LRRC8C: variants seen among roughly 807,000 people sequenced by gnomAD.
LRRC8C encodes volume-regulated anion channel subunit LRRC8C.
A neutral mutation model predicts 55.3 loss-of-function variants in LRRC8C; 20 were observed. That is an observed-to-expected ratio of 0.36 (90% CI 0.25 to 0.53). The LOEUF (loss-of-function observed/expected upper bound fraction) is 0.53, where lower values mean the gene tolerates loss of function less well. LRRC8C is among the 20% of genes least tolerant of loss of function. The pLI is 0.92. For missense variants in LRRC8C, 659 were observed against 951.4 expected, an observed-to-expected ratio of 0.69 and a Z score of 4.04; for synonymous variants, 376 against 360.7, an observed-to-expected ratio of 1.04 and a Z score of -0.48.
Position 89,689,038 on chromosome 1 carries a change from G to A in LRRC8C, c.138+2427G>A, listed in dbSNP as rs541814348. 3.3e-5 allele frequency among the ~76,000 whole-genome samples: 5 copies of A among 152,126 alleles called. No individual in the cohort carries two copies. The South Asian group carries it at 1.0e-3, about 31-fold the overall frequency. The stretch of plus-strand genomic sequence containing the variant: ...GATTTGGGGAGGAGAGGCTCAGGAG[G>A]ACAGCAGTGTGGACGGCTACATGGA... On this transcript the variant is annotated intron_variant, in intron 2 of 2. Coordinates refer to ENST00000370454, the MANE Select transcript of LRRC8C (RefSeq NM_032270.5).
the LRRC8C span, among the ~76,000 whole-genome samples, chr1:89,621,261 T>G: frequency 7.0e-6 from 1 of 143,538 alleles, no homozygotes; most frequent in Non-Finnish European, 1.5e-5. Flanking sequence ...GAGATCGAGA[T>G]CATCCTGGCT....
chr1:89,647,783 G>A (rs1023344190), intron 1 of LRRC8C, among the ~76,000 whole-genome samples: 78 of 152,166 alleles, frequency 5.1e-4, no homozygotes, highest in Non-Finnish European at 7.4e-5. Flanking sequence ...ACAATGGTGT[G>A]TGACAATTTT....
At chr1:89,683,007 C>A (rs528801084) in intron 1 of LRRC8C, among the ~76,000 whole-genome samples, 2 of 152,246 alleles carry the variant, frequency 1.3e-5, no homozygotes, top group South Asian at 4.1e-4. Flanking sequence ...TCAGGGAGAA[C>A]AACTAAAGTA....
chr1:89,712,874 G>T lies in LRRC8C; in HGVS notation c.304G>T (p.Asp102Tyr), dbSNP rs1268112390. The change falls in exon 3 of 3, where the codon GAT becomes TAT. Residue 102 changes from aspartate to tyrosine, a missense_variant. Physicochemically the swap from Asp to Tyr is radical, Grantham distance 160 (BLOSUM62 -3). Coordinates refer to ENST00000370454, the MANE Select transcript of LRRC8C (RefSeq NM_032270.5). ...TGTGGAAATGAAAGGCCTGAAGACA[G>T]ATTTGGACCTTCAGCAGTACAGCTT... is the stretch of plus-strand genomic sequence containing the variant. The part of the protein sequence containing the change: ...ITVEMKGLKT[D>Y]LDLQQYSFIN... 2 of 1,614,052 alleles carry T rather than the reference G, an allele frequency of 1.2e-6. No individual in the cohort carries two copies. The highest frequency in any genetic ancestry group is 1.7e-6 in the Non-Finnish European group (2 of 1,180,032).
At chr1:89,676,135 T>C (rs1049686537) in intron 1 of LRRC8C, 1 of 152,238 alleles carries the variant, frequency 6.6e-6, no homozygotes, top group Non-Finnish European at 1.5e-5. Context: ...TCTTTTAAGA[T>C]CTCAGTGAGA....
chr1:89,701,756 A>C (rs968804709), intron 2 of LRRC8C, among the ~76,000 whole-genome samples: 2 of 152,206 alleles, frequency 1.3e-5, no homozygotes, highest in Non-Finnish European at 2.9e-5. Flanking sequence ...TCCTGTGTTC[A>C]ATGTGTATAG....
rs1405378314 is a variant in LRRC8C, at chr1:89,716,627, A to G, written c.*1645A>G. On this transcript the variant is annotated 3_prime_UTR_variant, in exon 3 of 3. Coordinates refer to ENST00000370454, the MANE Select transcript of LRRC8C (RefSeq NM_032270.5). ...ACACTATTTGTGCCCTTGACCTAGA[A>G]CCAGAACCACTAATTATGAGAACTT... is the stretch of plus-strand genomic sequence containing the variant. 6.6e-6 allele frequency: 1 copy of G among 152,210 alleles called. No homozygotes were observed. The highest frequency in any genetic ancestry group is 1.5e-5 in the Non-Finnish European group (1 of 68,038). The allele number at this position is 152,210 out of a possible 1,614,324, so 9.4% of individuals were successfully genotyped here.
intron 2 of LRRC8C, among the ~76,000 whole-genome samples, chr1:89,699,130 T>G (rs532761056): frequency 1.3e-5 from 2 of 152,170 alleles, no homozygotes; most frequent in Admixed American, 1.3e-4. Context: ...GAAGCTAATC[T>G]TAAAAGGATA....
intron 1 of LRRC8C, among the ~76,000 whole-genome samples, chr1:89,656,261 C>G (rs1034728105): frequency 6.6e-6 from 1 of 152,216 alleles, no homozygotes; most frequent in African/African-American, 2.4e-5. Flanking sequence ...ATAAAGGCAG[C>G]TGTGTTTCTG....
chr1:89,639,107 T>C lies in LRRC8C; in HGVS notation c.-5+5785T>C, dbSNP rs557229163. ...TCCAGGCGATTCTCCTGCCTCAGCC[T>C]CTGGAGTAGCTGGGACTACAGGCAC... On this transcript the variant is annotated intron_variant, in intron 1 of 2. Coordinates refer to ENST00000370454, the MANE Select transcript of LRRC8C (RefSeq NM_032270.5). 2.6e-5 allele frequency among the ~76,000 whole-genome samples: 4 copies of C among 152,020 alleles called. No homozygotes were observed. The South Asian group carries it at 6.2e-4, about 24-fold the overall frequency.
At chr1:89,684,136 A>C (rs1657803971) in intron 1 of LRRC8C, among the ~76,000 whole-genome samples, 1 of 152,162 alleles carries the variant, frequency 6.6e-6, no homozygotes, top group African/African-American at 2.4e-5. Context: ...ATATGTATAG[A>C]TGTAACCCAT....
At chr1:89,678,188 T>C (rs1557658235) in intron 1 of LRRC8C, among the ~76,000 whole-genome samples, 2 of 152,252 alleles carry the variant, frequency 1.3e-5, no homozygotes, top group African/African-American at 4.8e-5. Context: ...TGCTTTTAGC[T>C]TCAGTAATAA....
Position 89,659,061 on chromosome 1 carries a change from T to TTTTGTG in LRRC8C, c.-5+25740_-5+25741insTTGTGT, listed in dbSNP as rs1294718324. ...TGTCTTCTCCAGGTTTTTTTTTTTT[T>TTTTGTG]TGTGTGTGTGTGTGTGTGTGTGTGT... On this transcript the variant is annotated intron_variant, in intron 1 of 2. Coordinates refer to ENST00000370454, the MANE Select transcript of LRRC8C (RefSeq NM_032270.5). Among the ~76,000 whole-genome samples the TTTTGTG allele has an allele frequency of 9.3e-4, 50 of 53,962 alleles. 2 individuals are homozygous for TTTTGTG. The highest frequency in any genetic ancestry group is 3.8e-3 in the Admixed American group (19 of 4,960). 35.4% of individuals were successfully genotyped at this position (53,962 alleles called of 152,430 possible). A position where few individuals can be genotyped will look rare whatever the true frequency, so the allele number is the denominator to read the frequency against.
In LRRC8C at chr1:89,671,288, G is replaced by A. The variant is rs946228561; in HGVS notation, c.-4-15182G>A. Among the ~76,000 whole-genome samples the A allele has an allele frequency of 1.5e-4, 23 of 152,074 alleles. 1 individual carries two copies. The highest frequency in any genetic ancestry group is 5.6e-4 in the African/African-American group (23 of 41,332). The stretch of plus-strand genomic sequence containing the variant: ...AATGTGTTGAAAAAGGTTAGGGAGG[G>A]AAGAAGGTTAGAGAGGAGGAAAGGA... On this transcript the variant is annotated intron_variant, in intron 1 of 2. Coordinates refer to ENST00000370454, the MANE Select transcript of LRRC8C (RefSeq NM_032270.5).
chr1:89,640,557 A>G (rs924170044), intron 1 of LRRC8C, among the ~76,000 whole-genome samples: 5 of 152,222 alleles, frequency 3.3e-5, no homozygotes, highest in African/African-American at 1.2e-4. Context: ...TTAGCAAAAC[A>G]TTGTCAGGCT....
In LRRC8C at chr1:89,695,328, G is replaced by A. The variant is rs1379641169; in HGVS notation, c.138+8717G>A. Among the ~76,000 whole-genome samples the A allele has an allele frequency of 3.9e-5, 6 of 152,268 alleles. No individual in the cohort carries two copies. In the South Asian group the frequency reaches 8.3e-4, roughly 21 times the overall value. ...TGTTTGAACTACTGGCAGTAATAGG[G>A]TCAGCTATCTTAAAATAGAATTGGC... On this transcript the variant is annotated intron_variant, in intron 2 of 2. Transcript: ENST00000370454.
intron 2 of LRRC8C, among the ~76,000 whole-genome samples, chr1:89,711,659 T>C (rs908051640): frequency 6.6e-6 from 1 of 152,222 alleles, no homozygotes; most frequent in East Asian, 1.9e-4. Context: ...TCAAAAAGGG[T>C]GCATTCATTC....
the LRRC8C span, among the ~76,000 whole-genome samples, chr1:89,621,329 C>A: frequency 1.3e-5 from 2 of 148,662 alleles, no homozygotes; most frequent in Non-Finnish European, 3.0e-5. Flanking sequence ...ATTAGCCAGG[C>A]GTGGTGGCAG....
At chr1:89,661,092 G>T (rs1657107832) in intron 1 of LRRC8C, 1 of 171,436 alleles carries the variant, frequency 5.8e-6, no homozygotes, top group African/African-American at 2.4e-5. Context: ...ATCGCCAATA[G>T]ATTACATCAA....
Sources: gnomAD v4.1 joint callset for allele counts (sites outside exome capture counted in the v4.1 genomes callset) on GRCh38, gnomAD v4.1.1 for gene constraint, MANE v1.5 for transcripts, NCBI Gene and HGNC (gene_info 2026-07-23, HGNC 2026-07-21) for gene names.